Variants in PDE1B observed in about 807,000 individuals in gnomAD.
The protein encoded by PDE1B is dual specificity calcium/calmodulin-dependent 3',5'-cyclic nucleotide phosphodiesterase 1B.
A neutral mutation model predicts 66.7 loss-of-function variants in PDE1B; 13 were observed. That is an observed-to-expected ratio of 0.19 (90% CI 0.13 to 0.31). PDE1B has a LOEUF of 0.31. Among genes scored for constraint, PDE1B ranks in the 10% least tolerant of loss-of-function variants. The probability of loss-of-function intolerance (pLI) is 1.00; values close to 1 mark genes in which losing one functional copy is unlikely to be tolerated. For synonymous variants in PDE1B, 230 were observed against 253.9 expected, an observed-to-expected ratio of 0.91 and a Z score of 0.90; for missense variants, 485 against 682.3, an observed-to-expected ratio of 0.71 and a Z score of 3.22.
chr12:54,552,201 G>A (rs376405233), intron 2 of PDE1B, among the ~76,000 whole-genome samples: 6 of 152,268 alleles, frequency 3.9e-5, no homozygotes, highest in African/African-American at 9.6e-5. Context: ...AGGATTTAGG[G>A]CTTTGCTGGG....
intron 2 of PDE1B, among the ~76,000 whole-genome samples, chr12:54,562,165 G>A (rs894528357): frequency 6.6e-6 from 1 of 152,192 alleles, no homozygotes; most frequent in African/African-American, 2.4e-5. Context: ...TTTTGGGAAT[G>A]TGGGTGCTGG....
rs1231258970 is a variant in PDE1B, at chr12:54,578,889, G to A, written c.*1047G>A. ...CTGAGACAAGTGAGGGGTAGTCGGT[G>A]AAAGGCAGATGGACAAGGGGCTCAG... is the stretch of plus-strand genomic sequence containing the variant. On this transcript the variant is annotated 3_prime_UTR_variant, in exon 16 of 16. Coordinates refer to ENST00000243052, the MANE Select transcript of PDE1B (RefSeq NM_000924.4). 6.6e-6 allele frequency: 1 copy of A among 152,570 alleles called. No homozygotes were observed. Among genetic ancestry groups the A allele is most frequent in the African/African-American group, 2.4e-5 (1 of 41,428 alleles). The allele number at this position is 152,570 out of a possible 1,614,324, so 9.5% of individuals were successfully genotyped here.
intron 2 of PDE1B, among the ~76,000 whole-genome samples, chr12:54,552,193 G>A (rs533796002): frequency 4.9e-4 from 75 of 152,248 alleles, no homozygotes; most frequent in South Asian, 2.1e-3. Context: ...GAAATAAAAG[G>A]ATTTAGGGCT....
At chr12:54,568,243 T>G (rs1957551790) in intron 3 of PDE1B, among the ~76,000 whole-genome samples, 1 of 151,512 alleles carries the variant, frequency 6.6e-6, no homozygotes, top group Non-Finnish European at 1.5e-5. Context: ...GCAGCCTGAT[T>G]GCTTGAGCCC....
chr12:54,569,134 G>A lies in PDE1B; in HGVS notation c.228-50G>A. On this transcript the variant is annotated intron_variant, in intron 3 of 15. Coordinates refer to ENST00000243052, the MANE Select transcript of PDE1B (RefSeq NM_000924.4). This position sits in a 1 kb window ranked among gnomAD's most constrained non-coding sequence, Gnocchi z 4.4. ...TGGCTGGGTACAGGGTCTCTAGGCTGTGGAAGCACCTGCTGTCTTTCCTCT... is the reference window on the plus strand; with the variant it reads ...TGGCTGGGTACAGGGTCTCTAGGCTATGGAAGCACCTGCTGTCTTTCCTCT... The A allele has an allele frequency of 6.4e-7, 1 of 1,554,684 alleles. No individual in the cohort carries two copies. The highest frequency in any genetic ancestry group is 1.2e-5 in the South Asian group (1 of 80,954).
chr12:54,573,172 C>G lies in PDE1B; in HGVS notation c.760C>G (p.Leu254Val). The G allele has an allele frequency of 6.2e-7, 1 of 1,614,060 alleles. No homozygotes were observed. Among genetic ancestry groups the G allele is most frequent in the South Asian group, 1.1e-5 (1 of 91,078 alleles). The change falls in exon 8 of 16, where the codon CTG becomes GTG. Residue 254 changes from leucine to valine, a missense_variant. This residue lies in a region of PDE1B where 282 missense variants were observed against 453.4 expected (regional missense o/e 0.62). Transcript: ENST00000243052. The surrounding 1 kb of genome is among the most constrained non-coding windows in gnomAD (Gnocchi z 5.2). ...MVHCLSEIEL[L>V]AIIFAAAIHD... ...GCACTGCCTGTCGGAGATTGAGCTC[C>G]TGGCCATCATCTTTGCTGCAGCTAT...
At chr12:54,566,898 A>G in intron 2 of PDE1B, 76 bp from the exon 3 acceptor site, 1 of 620,792 alleles carries the variant, frequency 1.6e-6, no homozygotes, top group Non-Finnish European at 2.9e-6. Flanking sequence ...TGTAAAATGT[A>G]CCTTATTAGG....
At chr12:54,561,456 C>G in intron 2 of PDE1B, 1 of 1,286,274 alleles carries the variant, frequency 7.8e-7, no homozygotes, top group Non-Finnish European at 9.9e-7. Flanking sequence ...TCTCTCTGGT[C>G]AGTTGCTCAG....
At chr12:54,561,528 C>A (rs1957410460) in intron 2 of PDE1B, 2 of 1,457,966 alleles carry the variant, frequency 1.4e-6, no homozygotes. Flanking sequence ...CTCTTGGGGG[C>A]CCTGGGGCTC....
At chr12:54,566,729 G>A (rs1258240058) in intron 2 of PDE1B, among the ~76,000 whole-genome samples, 1 of 152,234 alleles carries the variant, frequency 6.6e-6, no homozygotes, top group Non-Finnish European at 1.5e-5. Flanking sequence ...TCAGATGGTG[G>A]TGGGGATGGT....
intron 13 of PDE1B, 42 bp from the exon 14 acceptor site, chr12:54,576,529 C>A: frequency 1.2e-6 from 2 of 1,613,002 alleles, no homozygotes; most frequent in Non-Finnish European, 1.7e-6. Flanking sequence ...CTGGAGTGGG[C>A]TGGGGCTTAC....
In PDE1B at chr12:54,567,009, A is replaced by G; in HGVS notation, c.149A>G (p.Glu50Gly). The change falls in exon 3 of 16, where the codon GAG (glutamate) becomes GGG (glycine). Residue 50 changes from glutamate (E) to glycine (G), a missense_variant. Around this residue, in one of 4 missense-constraint regions of PDE1B, gnomAD observed 74 missense variants for 78.7 expected, o/e 0.94. Transcript: ENST00000243052. ...RYMVKQLENG[E>G]INIEELKKNL... ...ATGGTGAAGCAGTTGGAGAATGGGG[A>G]GATAAACATTGAGGAGCTGAAGAAA... 6.2e-7 allele frequency: 1 copy of G among 1,612,600 alleles called. No homozygotes were observed. Among genetic ancestry groups the G allele is most frequent in the Non-Finnish European group, 8.5e-7 (1 of 1,179,068 alleles).
At chr12:54,558,190 T>C (rs1009164944) in intron 2 of PDE1B, among the ~76,000 whole-genome samples, 3 of 152,160 alleles carry the variant, frequency 2.0e-5, no homozygotes, top group African/African-American at 7.2e-5. Flanking sequence ...TCCCAGCTTC[T>C]CGAATGCAGC....
rs1234244062 is a variant in PDE1B at position 54,573,196 on chromosome 12, A to C, written c.784A>C (p.Ile262Leu). 3.1e-6 allele frequency: 5 copies of C among 1,613,976 alleles called. No individual in the cohort carries two copies. Among genetic ancestry groups the C allele is most frequent in the Non-Finnish European group, 4.2e-6 (5 of 1,179,962 alleles). Residue 262 changes from isoleucine to leucine, a missense_variant, in exon 8 of 16, where the codon ATC becomes CTC. Around this residue, in one of 4 missense-constraint regions of PDE1B, gnomAD observed 282 missense variants for 453.4 expected, o/e 0.62. Coordinates refer to ENST00000243052, the MANE Select transcript of PDE1B (RefSeq NM_000924.4). This position sits in a 1 kb window ranked among gnomAD's most constrained non-coding sequence, Gnocchi z 5.2. ...CCTGGCCATCATCTTTGCTGCAGCT[A>C]TCCATGATTATGAGCACACGGGCAC... Reference protein sequence around the residue: ...ELLAIIFAAAIHDYEHTGTTN... With the variant: ...ELLAIIFAAALHDYEHTGTTN...
At chr12:54,555,137 C>T (rs1389588004) in intron 2 of PDE1B, among the ~76,000 whole-genome samples, 2 of 152,174 alleles carry the variant, frequency 1.3e-5, no homozygotes, top group African/African-American at 4.8e-5. Context: ...AGGAGAGGAA[C>T]TTCCTCCTTA....
Position 54,559,497 on chromosome 12 carries a change from T to C in PDE1B, c.114-7477T>C, listed in dbSNP as rs368162758. On this transcript the variant is annotated intron_variant, in intron 2 of 15. Coordinates refer to ENST00000243052, the MANE Select transcript of PDE1B (RefSeq NM_000924.4). ...AGGTAGAGTGTGGGGTGTGTGTATA[T>C]GTGTGTGTAAGTGTCTATGTGTGAA... Among the ~76,000 whole-genome samples, 14 of 152,166 alleles carry C rather than the reference T, an allele frequency of 9.2e-5. 1 individual carries two copies. Among genetic ancestry groups the C allele is most frequent in the African/African-American group, 3.4e-4 (14 of 41,484 alleles).
At chr12:54,560,949 T>A (rs1957400694) in intron 2 of PDE1B, among the ~76,000 whole-genome samples, 1 of 152,170 alleles carries the variant, frequency 6.6e-6, no homozygotes, top group Non-Finnish European at 1.5e-5. Context: ...GAGCCCGGTC[T>A]CTGGATAAGG....
intron 2 of PDE1B, among the ~76,000 whole-genome samples, chr12:54,556,649 GT>G (rs545517277): frequency 7.3e-4 from 111 of 152,314 alleles, no homozygotes; most frequent in African/African-American, 2.6e-3. Context: ...GGGTCAGGTT[GT>G]TTTTGGGGTA....
chr12:54,563,278 C>G (rs1253910912), intron 2 of PDE1B, among the ~76,000 whole-genome samples: 2 of 152,186 alleles, frequency 1.3e-5, no homozygotes, highest in Non-Finnish European at 2.9e-5. Flanking sequence ...CAGCCTCTCT[C>G]TAAGCTAACT....
Sources: allele counts gnomAD v4.1 joint callset (sites outside exome capture counted in the v4.1 genomes callset), GRCh38; gene constraint gnomAD v4.1.1; regional missense constraint gnomAD v4.1.1; non-coding constraint Gnocchi (gnomAD v3.1); transcripts MANE v1.5; gene names NCBI Gene and HGNC (gene_info 2026-07-23, HGNC 2026-07-21).